Variants in MAD1L1 observed in about 807,000 individuals in gnomAD.
MAD1L1 encodes mitotic spindle assembly checkpoint protein MAD1.
In MAD1L1, 95 loss-of-function variants were observed where a neutral mutation model predicts 96.9. That is an observed-to-expected ratio of 0.98 (90% CI 0.83 to 1.16). MAD1L1 has a LOEUF of 1.16. MAD1L1 is among the 50% of genes most tolerant of loss of function. The pLI is 0.00. For missense variants in MAD1L1, 1,007 were observed against 954.4 expected (o/e 1.06, Z -0.73); for synonymous variants, 473 against 396.6 (o/e 1.19, Z -2.29).
At chr7:2,117,452 C>G (rs550790477) in intron 11 of MAD1L1, among the ~76,000 whole-genome samples, 1 of 152,308 alleles carries the variant, frequency 6.6e-6, no homozygotes, top group South Asian at 2.1e-4. Flanking sequence ...TGACTGTGTC[C>G]CCACCCAAAT....
At chr7:1,821,395 T>A (rs1782118485) in intron 18 of MAD1L1, among the ~76,000 whole-genome samples, 1 of 152,288 alleles carries the variant, frequency 6.6e-6, no homozygotes, top group Admixed American at 6.5e-5. Context: ...ATACCAATTT[T>A]ACACAATCCT....
In MAD1L1 at chr7:2,188,221, A is replaced by G. The variant is rs1438515859; in HGVS notation, c.986+24991T>C. Among the ~76,000 whole-genome samples, 4 of 152,260 alleles carry G rather than the reference A, an allele frequency of 2.6e-5. No individual in the cohort carries two copies. In the East Asian group the frequency reaches 7.7e-4, roughly 29 times the overall value. Reference sequence around the variant, plus strand: ...CCGTACCACAACTAACCTTCCAGAAACCACTACGTGTGGAACACTTGCTGT... The same window carrying G: ...CCGTACCACAACTAACCTTCCAGAAGCCACTACGTGTGGAACACTTGCTGT... On this transcript the variant is annotated intron_variant, in intron 10 of 18. Transcript: ENST00000265854.
chr7:2,088,567 G>C lies in MAD1L1; in HGVS notation c.1074-19229C>G, dbSNP rs1786048129. ...GCACATCCATCTCCCTGGGAGGCCG[G>C]GGAGATCAGGACGGTGTGGCACAGC... On this transcript the variant is annotated intron_variant, in intron 11 of 18. Transcript: ENST00000265854. The surrounding 1 kb of genome is among the most constrained non-coding windows in gnomAD (Gnocchi z 4.4). Among the ~76,000 whole-genome samples, 1 of 152,216 alleles carries C rather than the reference G, an allele frequency of 6.6e-6. No individual in the cohort carries two copies. The highest frequency in any genetic ancestry group is 2.1e-4 in the South Asian group (1 of 4,830).
At chr7:1,818,740 G>A (rs1781963017) in intron 18 of MAD1L1, among the ~76,000 whole-genome samples, 1 of 151,960 alleles carries the variant, frequency 6.6e-6, no homozygotes. Context: ...GCGTCAGCAA[G>A]ACAGCTGCTC....
chr7:2,213,361 C>CCCTGACCTCTCAGGAGAG, intron 9 of MAD1L1, 88 bp from the exon 10 acceptor site: 1 of 1,241,242 alleles, frequency 8.1e-7, no homozygotes, highest in Non-Finnish European at 1.2e-6. Flanking sequence ...GGTGCTAAGT[C>CCCTGACCTCTCAGGAGAG]CCTGACCTCT....
intron 15 of MAD1L1, among the ~76,000 whole-genome samples, chr7:1,979,430 G>A (rs947574732): frequency 8.5e-5 from 13 of 152,184 alleles, no homozygotes; most frequent in Admixed American, 3.9e-4. Flanking sequence ...CACAGCCACC[G>A]CCTCCCACAT....
chr7:1,825,820 G>A (rs1274304512), intron 18 of MAD1L1, among the ~76,000 whole-genome samples: 1 of 152,164 alleles, frequency 6.6e-6, no homozygotes, highest in Non-Finnish European at 1.5e-5. Context: ...GCTGCTGGGG[G>A]TTAGAGGTCA....
chr7:1,888,184 G>A (rs1401436976), intron 18 of MAD1L1, among the ~76,000 whole-genome samples: 1 of 150,386 alleles, frequency 6.6e-6, no homozygotes, highest in Non-Finnish European at 1.5e-5. Context: ...CTGTGCGTGT[G>A]TGCATGCATG....
intron 11 of MAD1L1, chr7:2,089,139 G>A (rs1786079065): frequency 6.6e-6 from 1 of 152,330 alleles, no homozygotes; most frequent in Admixed American, 6.5e-5. Context: ...AAACAGGCAA[G>A]GAGAAGGCAG....
At chr7:1,935,829 T>C (rs926132581) in intron 17 of MAD1L1, among the ~76,000 whole-genome samples, 2 of 152,194 alleles carry the variant, frequency 1.3e-5, no homozygotes, top group Non-Finnish European at 2.9e-5. Flanking sequence ...CAGATGAGCC[T>C]GCAGACACCC....
chr7:2,166,850 G>T (rs999804870), intron 10 of MAD1L1, among the ~76,000 whole-genome samples: 1 of 152,224 alleles, frequency 6.6e-6, no homozygotes, highest in Non-Finnish European at 1.5e-5. Context: ...TCAAACAGAA[G>T]AGGCCCAGGG....
At chr7:2,174,749 C>T (rs1790868127) in intron 10 of MAD1L1, among the ~76,000 whole-genome samples, 1 of 152,152 alleles carries the variant, frequency 6.6e-6, no homozygotes, top group Admixed American at 6.5e-5. Context: ...TCATTATCTT[C>T]TCTTGTTAAA....
At chr7:1,970,821 G>A (rs987900249) in intron 15 of MAD1L1, among the ~76,000 whole-genome samples, 1 of 152,164 alleles carries the variant, frequency 6.6e-6, no homozygotes, top group Non-Finnish European at 1.5e-5. Context: ...GTGGTAAGAA[G>A]TGCATCCACT....
At chr7:2,069,389 C>T in intron 11 of MAD1L1, 51 bp from the exon 12 acceptor site, 1 of 1,467,768 alleles carries the variant, frequency 6.8e-7, no homozygotes, top group Non-Finnish European at 9.0e-7. Flanking sequence ...GGTGACCACC[C>T]CACCAAGCCC....
intron 18 of MAD1L1, chr7:1,846,193 C>T (rs529125265): frequency 2.0e-3 from 311 of 152,718 alleles, no homozygotes; most frequent in Middle Eastern, 3.4e-3. Flanking sequence ...CCCCCTGCTG[C>T]CCTTCCCGCA....
At chr7:1,890,067 A>C (rs1476490529) in intron 18 of MAD1L1, among the ~76,000 whole-genome samples, 1 of 152,244 alleles carries the variant, frequency 6.6e-6, no homozygotes, top group Non-Finnish European at 1.5e-5. Context: ...TATGGCAAGA[A>C]TGGGGAATCA....
Position 1,898,349 on chromosome 7 carries a change from G to T in MAD1L1, c.1849C>A (p.Arg617=). 2 of 1,614,040 alleles carry T rather than the reference G, an allele frequency of 1.2e-6. No individual in the cohort carries two copies. Among genetic ancestry groups the T allele is most frequent in the Admixed American group, 1.7e-5 (1 of 60,030 alleles). ...TTGGTCTGGAAAACCTCCTTGAGCC[G>T]CTGGTTCTTCAGCTCGGCACTCTCC... ...QVESAELKNQ[R]LKEVFQTKIQ... The change falls in exon 18 of 19, where the codon CGG becomes AGG. Residue 617 remains arginine (R), a synonymous_variant. Transcript: ENST00000265854.
intron 11 of MAD1L1, among the ~76,000 whole-genome samples, chr7:2,129,254 G>A (rs1019637932): frequency 2.4e-4 from 36 of 152,250 alleles, no homozygotes; most frequent in African/African-American, 8.4e-4. Flanking sequence ...GCAGGCCAGG[G>A]GGCAGGGAGG....
At chr7:1,904,314 T>C (rs1787479125) in intron 17 of MAD1L1, among the ~76,000 whole-genome samples, 1 of 145,044 alleles carries the variant, frequency 6.9e-6, no homozygotes, top group Non-Finnish European at 1.5e-5. Context: ...CTTGCGGAAC[T>C]CATGATTGAT....
Sources: gnomAD v4.1 joint callset for allele counts (sites outside exome capture counted in the v4.1 genomes callset) on GRCh38, gnomAD v4.1.1 for gene constraint, Gnocchi (gnomAD v3.1) non-coding constraint, MANE v1.5 for transcripts, NCBI Gene and HGNC (gene_info 2026-07-23, HGNC 2026-07-21) for gene names.